The following PCMT1 variants were observed in gnomAD, a reference collection of about 807,000 sequenced individuals.
The protein encoded by PCMT1 is protein-L-isoaspartate (D-aspartate) O-methyltransferase.
A neutral mutation model predicts 29.2 loss-of-function variants in PCMT1; 9 were observed. The observed-to-expected ratio is 0.31, with a 90% confidence interval of 0.19 to 0.54. The LOEUF (loss-of-function observed/expected upper bound fraction) is 0.54. PCMT1 is among the 20% of genes least tolerant of loss of function. The pLI is 0.95. For missense variants in PCMT1, 184 were observed against 282.2 expected (o/e 0.65, Z 2.49); for synonymous variants, 98 against 97.5 (o/e 1.00, Z -0.03).
intron 4 of PCMT1, among the ~76,000 whole-genome samples, chr6:149,790,958 A>G (rs1788340002): frequency 6.6e-6 from 1 of 152,006 alleles, no homozygotes; most frequent in African/African-American, 2.4e-5. Context: ...GTAAGCCTTG[A>G]TTGCACCACT....
At chr6:149,804,018 T>C (rs757296564) in intron 7 of PCMT1, among the ~76,000 whole-genome samples, 14 of 146,132 alleles carry the variant, frequency 9.6e-5, no homozygotes, top group Admixed American at 4.9e-4. Context: ...GAGGCAGAGG[T>C]TGCAGTGAGT....
chr6:149,752,202 AT>A (rs938821506), intron 1 of PCMT1, among the ~76,000 whole-genome samples: 290 of 143,178 alleles, frequency 2.0e-3, no homozygotes, highest in Non-Finnish European at 2.9e-3. Flanking sequence ...AGATGTCAAC[AT>A]TTTTTTTTTT....
At chr6:149,792,100 A>G (rs916860746) in intron 4 of PCMT1, among the ~76,000 whole-genome samples, 8 of 152,158 alleles carry the variant, frequency 5.3e-5, no homozygotes, top group Admixed American at 4.6e-4. Context: ...GGATCACCTG[A>G]GGTCTGGAGT....
chr6:149,761,126 C>T (rs1786722177), intron 1 of PCMT1, among the ~76,000 whole-genome samples: 1 of 149,954 alleles, frequency 6.7e-6, no homozygotes, highest in African/African-American at 2.5e-5. Flanking sequence ...AAATACTCAT[C>T]CATCTTGGCA....
chr6:149,751,035 G>T (rs1582996386), intron 1 of PCMT1, among the ~76,000 whole-genome samples: 1 of 151,782 alleles, frequency 6.6e-6, no homozygotes, highest in African/African-American at 2.4e-5. Flanking sequence ...AATTTTTTTT[G>T]GCCGGGCTCA....
intron 3 of PCMT1, among the ~76,000 whole-genome samples, chr6:149,787,339 C>T (rs1236314643): frequency 6.7e-6 from 1 of 148,742 alleles, no homozygotes; most frequent in Non-Finnish European, 1.5e-5. Flanking sequence ...GGAGCGGGAG[C>T]TGGCTGTTTT....
chr6:149,783,578 T>C lies in PCMT1; in HGVS notation c.193-6376T>C, dbSNP rs75425465. On this transcript the variant is annotated intron_variant, in intron 3 of 7. Transcript: ENST00000464889. ...TTCTTAATGTGATGCTCTTAGGGAG[T>C]TGCATAGCAAGACTTGCGTGTGTTC... Among the ~76,000 whole-genome samples the C allele has an allele frequency of 7.9e-3, 1,206 of 152,224 alleles. 17 individuals are homozygous for C. Among genetic ancestry groups the C allele is most frequent in the African/African-American group, 0.028 (1,148 of 41,532 alleles).
Position 149,811,259 on chromosome 6 carries a change from C to T in PCMT1, c.*681C>T, listed in dbSNP as rs756157655. On this transcript the variant is annotated 3_prime_UTR_variant, in exon 8 of 8. Transcript: ENST00000464889. ...AACTGACTTAGTTCTTCCCTTCTCT[C>T]TCTCTCAAAATTATAGGAGACTTGT... 2.0e-5 allele frequency: 3 copies of T among 152,704 alleles called. No individual in the cohort carries two copies. The highest frequency in any genetic ancestry group is 4.4e-5 in the Non-Finnish European group (3 of 68,078). The allele number at this position is 152,704 out of a possible 1,614,324, so 9.5% of individuals were successfully genotyped here. A position where few individuals can be genotyped will look rare whatever the true frequency, so the allele number is the denominator to read the frequency against.
intron 6 of PCMT1, chr6:149,796,977 C>T (rs1788642375): frequency 6.6e-6 from 1 of 152,496 alleles, no homozygotes; most frequent in African/African-American, 2.4e-5. Flanking sequence ...CCACGCCCAG[C>T]TAATTTTTGT....
At chr6:149,769,305 A>ATTTTTTTTTTT (rs1234622188) in intron 1 of PCMT1, among the ~76,000 whole-genome samples, 24 of 48,086 alleles carry the variant, frequency 5.0e-4, no homozygotes, top group African/African-American at 1.3e-3. Flanking sequence ...TTTGTGCAGG[A>ATTTTTTTTTTT]TTCTTTTTTT....
intron 1 of PCMT1, among the ~76,000 whole-genome samples, chr6:149,751,962 T>G (rs1217047038): frequency 6.6e-6 from 1 of 151,830 alleles, no homozygotes; most frequent in Non-Finnish European, 1.5e-5. Flanking sequence ...AACCCCTGCT[T>G]TCTGTGCTCA....
intron 1 of PCMT1, among the ~76,000 whole-genome samples, chr6:149,750,543 C>T (rs1013858031): frequency 3.3e-5 from 5 of 152,114 alleles, no homozygotes; most frequent in Non-Finnish European, 7.4e-5. Flanking sequence ...AGAAATTTCT[C>T]GGGCGGCTGT....
At chr6:149,801,697 C>G (rs1465578268) in intron 6 of PCMT1, among the ~76,000 whole-genome samples, 3 of 152,106 alleles carry the variant, frequency 2.0e-5, no homozygotes, top group Non-Finnish European at 4.4e-5. Flanking sequence ...ATCTGCCCAC[C>G]TTGGCCTCCC....
intron 3 of PCMT1, among the ~76,000 whole-genome samples, chr6:149,776,468 TCTCCTGA>T (rs1787572476): frequency 6.6e-6 from 1 of 152,022 alleles, no homozygotes; most frequent in African/African-American, 2.4e-5. Flanking sequence ...GCCAGGCTTG[TCTCCTGA>T]CCTGACCTCC....
At chr6:149,800,648 T>A (rs1423905769) in intron 6 of PCMT1, among the ~76,000 whole-genome samples, 3 of 152,018 alleles carry the variant, frequency 2.0e-5, no homozygotes, top group Admixed American at 2.0e-4. Flanking sequence ...TTGACAGGAG[T>A]GTCCTCATTC....
At chr6:149,776,809 T>C (rs1470750252) in intron 3 of PCMT1, among the ~76,000 whole-genome samples, 1 of 152,198 alleles carries the variant, frequency 6.6e-6, no homozygotes, top group African/African-American at 2.4e-5. Context: ...TTTGATACTT[T>C]GTATTGGAAA....
At chr6:149,799,814 G>C (rs1375473618) in intron 6 of PCMT1, among the ~76,000 whole-genome samples, 1 of 152,158 alleles carries the variant, frequency 6.6e-6, no homozygotes, top group Non-Finnish European at 1.5e-5. Flanking sequence ...GGAGCAAGAG[G>C]AGGAAAGGAA....
intron 1 of PCMT1, among the ~76,000 whole-genome samples, chr6:149,757,033 T>C (rs1006160124): frequency 6.6e-6 from 1 of 151,968 alleles, no homozygotes; most frequent in Non-Finnish European, 1.5e-5. Flanking sequence ...CAGGAGCCTA[T>C]AATCCCAGCT....
chr6:149,774,816 C>T (rs879491937), intron 3 of PCMT1, among the ~76,000 whole-genome samples: 5 of 151,404 alleles, frequency 3.3e-5, no homozygotes, highest in Non-Finnish European at 5.9e-5. Flanking sequence ...ACGCCATTCT[C>T]CTGCCTCAGC....
Sources: allele counts gnomAD v4.1 joint callset (sites outside exome capture counted in the v4.1 genomes callset), GRCh38; gene constraint gnomAD v4.1.1; transcripts MANE v1.5; gene names NCBI Gene and HGNC (gene_info 2026-07-23, HGNC 2026-07-21).